PCDH17: variants seen among roughly 807,000 people sequenced by gnomAD.
The protein encoded by PCDH17 is protocadherin-17.
In PCDH17, 21 loss-of-function variants were observed where a neutral mutation model predicts 67.7. The ratio of observed to expected loss-of-function variants is 0.31; its 90% confidence interval spans 0.22 to 0.45. The LOEUF is 0.45. PCDH17 is among the 20% of genes least tolerant of loss of function. PCDH17 has a pLI of 1.00. For missense variants in PCDH17, 1,471 were observed against 1,564.8 expected (o/e 0.94, Z 1.01); for synonymous variants, 701 against 656.7 (o/e 1.07, Z -1.03).
intron 1 of PCDH17, among the ~76,000 whole-genome samples, chr13:57,639,691 G>C (rs1229242319): frequency 6.6e-6 from 1 of 151,768 alleles, no homozygotes; most frequent in Non-Finnish European, 1.5e-5. Flanking sequence ...AATTTTACTT[G>C]AGTTGTGTGA....
At chr13:57,645,675 T>G (rs935012493) in intron 1 of PCDH17, among the ~76,000 whole-genome samples, 3 of 150,954 alleles carry the variant, frequency 2.0e-5, no homozygotes, top group Admixed American at 1.3e-4. Flanking sequence ...AGTATTTGTT[T>G]ATATTATATA....
intron 3 of PCDH17, among the ~76,000 whole-genome samples, chr13:57,723,618 G>C (rs1037196536): frequency 4.6e-5 from 7 of 152,046 alleles, no homozygotes; most frequent in Admixed American, 2.0e-4. Flanking sequence ...AAAAGTCTCT[G>C]ATTTAGAAAC....
chr13:57,636,626 C>T (rs1356788255), intron 1 of PCDH17, among the ~76,000 whole-genome samples: 3 of 151,854 alleles, frequency 2.0e-5, no homozygotes, highest in Non-Finnish European at 4.4e-5. Flanking sequence ...CTATATAAAA[C>T]TGAAAAAGAA....
intron 3 of PCDH17, among the ~76,000 whole-genome samples, chr13:57,676,708 T>A (rs563563931): frequency 6.6e-6 from 1 of 152,002 alleles, no homozygotes; most frequent in South Asian, 2.1e-4. Context: ...GTATGTTCTG[T>A]GGGAATCCAA....
rs1477695411 is a variant in PCDH17 at position 57,726,101 on chromosome 13, T to C, written c.*807T>C. 6.6e-6 allele frequency: 1 copy of C among 152,646 alleles called. No individual in the cohort carries two copies. The highest frequency in any genetic ancestry group is 6.5e-5 in the Admixed American group (1 of 15,272). 9.5% of individuals were successfully genotyped at this position (152,646 alleles called of 1,614,324 possible). A position where few individuals can be genotyped will look rare whatever the true frequency, so the allele number is the denominator to read the frequency against. On this transcript the variant is annotated 3_prime_UTR_variant, in exon 4 of 4. Transcript: ENST00000377918. ...CAACAAAGATTTAAACAATGATGAA[T>C]ATGTTTTAAATTTGACATAGAAAAG...
chr13:57,707,705 C>G (rs1014160086), intron 3 of PCDH17, among the ~76,000 whole-genome samples: 3 of 151,968 alleles, frequency 2.0e-5, no homozygotes, highest in African/African-American at 7.2e-5. Context: ...AGTCCAACAT[C>G]AAGGTATAAG....
chr13:57,684,148 A>T (rs9527683), intron 3 of PCDH17, among the ~76,000 whole-genome samples: 1 of 151,850 alleles, frequency 6.6e-6, no homozygotes, highest in African/African-American at 2.4e-5. Context: ...GGAAAACAAC[A>T]CTATGTTTCT....
At chr13:57,713,348 G>A (rs749542712) in intron 3 of PCDH17, among the ~76,000 whole-genome samples, 66 of 151,714 alleles carry the variant, frequency 4.4e-4, no homozygotes, top group Non-Finnish European at 8.3e-4. Flanking sequence ...ACCAATTGTA[G>A]AGGATAAAAC....
At chr13:57,641,567 AAAAAAAAAAAAAAAAAAAAAATAT>A (rs1356666746) in intron 1 of PCDH17, among the ~76,000 whole-genome samples, 1 of 16,152 alleles carries the variant, frequency 6.2e-5, no homozygotes, top group Non-Finnish European at 1.1e-4. Context: ...AGAAAAAAAA[AAAAAAAAAAAAAAAAAAAAAATAT>A]ATATATATAT....
At chr13:57,672,343 G>A (rs1342816396) in intron 3 of PCDH17, among the ~76,000 whole-genome samples, 1 of 151,936 alleles carries the variant, frequency 6.6e-6, no homozygotes, top group Non-Finnish European at 1.5e-5. Context: ...TTAAATGAGG[G>A]CAGTATTTGT....
At chr13:57,687,745 G>T (rs1323116296) in intron 3 of PCDH17, among the ~76,000 whole-genome samples, 1 of 151,970 alleles carries the variant, frequency 6.6e-6, no homozygotes, top group African/African-American at 2.4e-5. Flanking sequence ...ATACCTGAAA[G>T]GAATAATGAA....
chr13:57,676,497 G>T (rs964652254), intron 3 of PCDH17, among the ~76,000 whole-genome samples: 1 of 151,854 alleles, frequency 6.6e-6, no homozygotes, highest in South Asian at 2.1e-4. Flanking sequence ...GGCAATTACA[G>T]TTTGGCAATC....
intron 1 of PCDH17, among the ~76,000 whole-genome samples, chr13:57,647,461 A>T (rs966131393): frequency 5.3e-5 from 8 of 151,722 alleles, no homozygotes; most frequent in African/African-American, 1.9e-4. Flanking sequence ...TGTACTTTTT[A>T]AAAATATTCA....
intron 3 of PCDH17, among the ~76,000 whole-genome samples, chr13:57,702,388 A>T (rs1028121061): frequency 6.6e-6 from 1 of 151,914 alleles, no homozygotes; most frequent in Non-Finnish European, 1.5e-5. Context: ...AGTGCTTTGC[A>T]TACATGTATT....
chr13:57,715,053 G>A (rs1370155049), intron 3 of PCDH17, among the ~76,000 whole-genome samples: 1 of 151,742 alleles, frequency 6.6e-6, no homozygotes, highest in Non-Finnish European at 1.5e-5. Flanking sequence ...CCAAGTTCGA[G>A]TAGAATATAT....
chr13:57,679,191 A>G (rs541773509), intron 3 of PCDH17, among the ~76,000 whole-genome samples: 1 of 151,578 alleles, frequency 6.6e-6, no homozygotes, highest in South Asian at 2.1e-4. Flanking sequence ...CTTATATTTA[A>G]TTTGCATGTT....
rs188512007 is a variant in PCDH17 at position 57,668,037 on chromosome 13, T to C, written c.2797+1204T>C. ...GTAATTGCTAGACCGATGACTTTTT[T>C]CACGATCTTTTACCATAGCAACTTT... is the stretch of plus-strand genomic sequence containing the variant. On this transcript the variant is annotated intron_variant, in intron 3 of 3. Coordinates refer to ENST00000377918, the MANE Select transcript of PCDH17 (RefSeq NM_001040429.3). 6.6e-5 allele frequency among the ~76,000 whole-genome samples: 10 copies of C among 151,758 alleles called. No homozygotes were observed. In the East Asian group the frequency reaches 1.9e-3, roughly 29 times the overall value.
In PCDH17 at chr13:57,633,782, C is replaced by A; in HGVS notation, c.1236C>A (p.Phe412Leu). Residue 412 changes from phenylalanine to leucine, a missense_variant, in exon 1 of 4, where the codon TTC becomes TTA. Phe to Leu is a conservative substitution (Grantham distance 22). Coordinates refer to ENST00000377918, the MANE Select transcript of PCDH17 (RefSeq NM_001040429.3). The surrounding 1 kb of genome is among the most constrained non-coding windows in gnomAD (Gnocchi z 6.2). ...GLGGPGGSVP[F>L]KLEENYDNFY... ...GCGGGCCCGGGGGTTCCGTCCCCTT[C>A]AAGCTTGAGGAGAACTACGACAACT... The A allele has an allele frequency of 1.2e-6, 2 of 1,603,450 alleles. No homozygotes were observed. The highest frequency in any genetic ancestry group is 2.2e-5 in the East Asian group (1 of 44,618).
chr13:57,725,157 G>A lies in PCDH17; in HGVS notation c.3343G>A (p.Gly1115Ser), dbSNP rs1421908926. Residue 1115 changes from glycine to serine, a missense_variant, in exon 4 of 4, where the codon GGT (glycine) becomes AGT (serine). Physicochemically the swap from Gly to Ser is moderately conservative, Grantham distance 56. Coordinates refer to ENST00000377918, the MANE Select transcript of PCDH17 (RefSeq NM_001040429.3). ...SRASRDSSEM[G>S]AVLEQLDHPN... Reference sequence around the variant, plus strand: ...AGCCAGCCGGGATTCCAGTGAGATGGGTGCTGTTCTTGAGCAGCTTGACCA... The same window carrying A: ...AGCCAGCCGGGATTCCAGTGAGATGAGTGCTGTTCTTGAGCAGCTTGACCA... 1 of 1,614,162 alleles carries A rather than the reference G, an allele frequency of 6.2e-7. No homozygotes were observed. Among genetic ancestry groups the A allele is most frequent in the East Asian group, 2.2e-5 (1 of 44,870 alleles).
Sources: gnomAD v4.1 joint callset for allele counts (sites outside exome capture counted in the v4.1 genomes callset) on GRCh38, gnomAD v4.1.1 for gene constraint, Gnocchi (gnomAD v3.1) non-coding constraint, MANE v1.5 for transcripts, NCBI Gene and HGNC (gene_info 2026-07-23, HGNC 2026-07-21) for gene names.